Variants in HLCS observed in about 807,000 individuals in gnomAD.
The protein encoded by HLCS is holocarboxylase synthetase.
HLCS carries 53 observed loss-of-function variants against 75.0 expected under a neutral mutation model. The observed-to-expected ratio is 0.71, with a 90% CI of 0.57 to 0.89. HLCS has a LOEUF of 0.89. Among genes scored for constraint, HLCS ranks in the 40% least tolerant of loss-of-function variants. HLCS has a pLI of 0.00. For missense variants in HLCS, 966 were observed against 1,074.0 expected, an observed-to-expected ratio of 0.90 and a Z score of 1.41; for synonymous variants, 431 against 428.6, an observed-to-expected ratio of 1.01 and a Z score of -0.07.
At chr21:36,766,708 C>A (rs1264704957) in intron 7 of HLCS, among the ~76,000 whole-genome samples, 1 of 151,872 alleles carries the variant, frequency 6.6e-6, no homozygotes, top group East Asian at 1.9e-4. Flanking sequence ...CCGGGATCTG[C>A]AGGTGGTGGA....
intron 6 of HLCS, among the ~76,000 whole-genome samples, chr21:36,847,200 C>T (rs916351133): frequency 1.3e-4 from 20 of 152,072 alleles, no homozygotes; most frequent in Admixed American, 5.9e-4. Context: ...GACGACCTGG[C>T]GTTCAGAAGA....
chr21:36,914,978 GC>G (rs2065871105), intron 5 of HLCS, among the ~76,000 whole-genome samples: 1 of 152,272 alleles, frequency 6.6e-6, no homozygotes, highest in South Asian at 2.1e-4. Context: ...CCCATAGGCA[GC>G]CCTGCCTGGT....
At chr21:36,775,577 A>G (rs1036924529) in intron 6 of HLCS, among the ~76,000 whole-genome samples, 3 of 152,212 alleles carry the variant, frequency 2.0e-5, no homozygotes, top group African/African-American at 7.2e-5. Context: ...GCGAGCCTTC[A>G]CTGCGCCACT....
At chr21:36,895,194 G>A (rs923919537) in intron 6 of HLCS, among the ~76,000 whole-genome samples, 2 of 152,148 alleles carry the variant, frequency 1.3e-5, no homozygotes, top group African/African-American at 2.4e-5. Context: ...GGAAGTACCC[G>A]TATTTTTCTA....
intron 2 of HLCS, among the ~76,000 whole-genome samples, chr21:36,940,846 G>A (rs1482404978): frequency 6.6e-6 from 1 of 152,378 alleles, no homozygotes; most frequent in East Asian, 1.9e-4. Flanking sequence ...CTGGTGGGAG[G>A]TGACAGGATC....
chr21:36,842,219 G>A lies in HLCS; in HGVS notation c.1892+54641C>T, dbSNP rs557574121. On this transcript the variant is annotated intron_variant, in intron 6 of 10. Transcript: ENST00000674895. This position sits in a 1 kb window ranked among gnomAD's most constrained non-coding sequence, Gnocchi z 4.2. ...AGAGGCCATGGTGTATGTTTCCATC[G>A]GTATAAAATATAAAACCAGGCAAAA... 4.6e-5 allele frequency among the ~76,000 whole-genome samples: 7 copies of A among 152,076 alleles called. No homozygotes were observed. The highest frequency in any genetic ancestry group is 6.6e-5 in the Admixed American group (1 of 15,262).
chr21:36,911,727 C>CAACAA (rs2065717987), intron 5 of HLCS, among the ~76,000 whole-genome samples: 1 of 110,044 alleles, frequency 9.1e-6, no homozygotes. Context: ...CCAGCCTGGG[C>CAACAA]GATAGAGCGA....
chr21:36,771,204 A>G (rs1438096993), intron 6 of HLCS, among the ~76,000 whole-genome samples: 4 of 150,992 alleles, frequency 2.6e-5, no homozygotes, highest in Non-Finnish European at 5.9e-5. Flanking sequence ...TGGGCGACAG[A>G]GCGAGACTCC....
At chr21:36,824,257 G>T (rs1403004434) in intron 6 of HLCS, among the ~76,000 whole-genome samples, 2 of 152,182 alleles carry the variant, frequency 1.3e-5, no homozygotes, top group Admixed American at 6.5e-5. Flanking sequence ...ATACTATGCG[G>T]CCATAAAAAG....
chr21:36,798,050 A>G (rs1330774305), intron 6 of HLCS, among the ~76,000 whole-genome samples: 1 of 152,236 alleles, frequency 6.6e-6, no homozygotes, highest in African/African-American at 2.4e-5. Context: ...ACGTGAGCAG[A>G]GACTTGAAGG....
chr21:36,930,493 GTTTCTTTTTTCTT>G (rs900553874), intron 4 of HLCS, 60 bp from the exon 5 acceptor site: 3 of 1,362,438 alleles, frequency 2.2e-6, no homozygotes, highest in Non-Finnish European at 3.1e-6. Context: ...GAGAAAAACA[GTTTCTTTTTTCTT>G]TTTCTTTTTT....
chr21:36,787,919 C>T (rs906998895), intron 6 of HLCS, among the ~76,000 whole-genome samples: 1 of 152,198 alleles, frequency 6.6e-6, no homozygotes, highest in Admixed American at 6.5e-5. Flanking sequence ...CCCTACCCAC[C>T]AGCAGGGCTG....
chr21:36,752,631 GTT>G lies in HLCS; in HGVS notation c.*1613_*1614del, dbSNP rs886057068. On this transcript the variant is annotated 3_prime_UTR_variant, in exon 11 of 11. Transcript: ENST00000674895. ...AGGCTTGGGCATTTGGAGAAGAGTG[GTT>G]TTTTTTGTGTTTTTTGTTTGTTTGT... The G allele has an allele frequency of 1.3e-5, 2 of 152,186 alleles. No individual in the cohort carries two copies. The highest frequency in any genetic ancestry group is 2.9e-5 in the Non-Finnish European group (2 of 67,958). 9.4% of individuals were successfully genotyped at this position (152,186 alleles called of 1,614,324 possible).
chr21:36,755,360 C>T (rs1242147189), intron 10 of HLCS, among the ~76,000 whole-genome samples: 2 of 150,940 alleles, frequency 1.3e-5, no homozygotes, highest in Non-Finnish European at 2.9e-5. Context: ...GCTATGATGG[C>T]ACCACTGCAC....
In HLCS at chr21:36,963,436, T is replaced by C. The variant is rs143634751; in HGVS notation, c.196-1266A>G. ...AGGGGAGAATTTGCCCCTCCCTCAG[T>C]AAACATAATTATCAATATAGTGGTT... On this transcript the variant is annotated intron_variant, in intron 1 of 10. Transcript: ENST00000674895. Among the ~76,000 whole-genome samples, 102 of 152,258 alleles carry C rather than the reference T, an allele frequency of 6.7e-4. 2 individuals are homozygous for C. In the East Asian group the frequency reaches 0.018, roughly 26 times the overall value.
chr21:36,822,064 C>A (rs138391678), intron 6 of HLCS, among the ~76,000 whole-genome samples: 3 of 152,222 alleles, frequency 2.0e-5, no homozygotes, highest in African/African-American at 7.2e-5. Context: ...CATTGTCAGG[C>A]CTTGTAAAAG....
intron 6 of HLCS, among the ~76,000 whole-genome samples, chr21:36,807,556 T>A (rs2061396094): frequency 6.6e-6 from 1 of 152,216 alleles, no homozygotes; most frequent in South Asian, 2.1e-4. Context: ...CTGGTGTGGC[T>A]GCTGCCACTG....
chr21:36,913,627 G>T (rs183578198), intron 5 of HLCS, among the ~76,000 whole-genome samples: 11 of 152,252 alleles, frequency 7.2e-5, no homozygotes, highest in African/African-American at 1.2e-4. Context: ...AGGGCATGGT[G>T]GTGGGTGCCT....
chr21:36,932,524 T>C (rs1161537187), intron 4 of HLCS, among the ~76,000 whole-genome samples: 2 of 152,210 alleles, frequency 1.3e-5, no homozygotes, highest in Non-Finnish European at 2.9e-5. Context: ...AATTAAAATA[T>C]CTCCACCTAT....
Sources: allele counts gnomAD v4.1 joint callset (sites outside exome capture counted in the v4.1 genomes callset), GRCh38; gene constraint gnomAD v4.1.1; non-coding constraint Gnocchi (gnomAD v3.1); transcripts MANE v1.5; gene names NCBI Gene and HGNC (gene_info 2026-07-23, HGNC 2026-07-21).